Variants in CCDC137 observed in about 807,000 individuals in gnomAD.
The protein encoded by CCDC137 is coiled-coil domain-containing protein 137.
In CCDC137, 24 loss-of-function variants were observed where a neutral mutation model predicts 30.4. The observed-to-expected ratio is 0.79, with a 90% CI of 0.57 to 1.11. The LOEUF (loss-of-function observed/expected upper bound fraction) is 1.11, where lower values mean the gene tolerates loss of function less well. Among genes scored for constraint, CCDC137 ranks in the 50% least tolerant of loss-of-function variants. The pLI is 0.00. For missense variants in CCDC137, 417 were observed against 380.4 expected, an observed-to-expected ratio of 1.10 and a Z score of -0.80; for synonymous variants, 182 against 155.7, an observed-to-expected ratio of 1.17 and a Z score of -1.26.
At chr17:81,670,139 G>A in intron 2 of CCDC137, 86 bp from the exon 3 acceptor site, 1 of 1,043,112 alleles carries the variant, frequency 9.6e-7, no homozygotes. Flanking sequence ...TTCCCTTCCT[G>A]TGGCTTTGGG....
At chr17:81,670,525 C>T in intron 3 of CCDC137, 72 bp downstream of exon 3, 2 of 1,313,184 alleles carry the variant, frequency 1.5e-6, no homozygotes, top group Non-Finnish European at 2.1e-6. Context: ...CCATGACGGC[C>T]CTCTGCAGGT....
chr17:81,667,680 G>A, intron 1 of CCDC137, 49 bp from the exon 2 acceptor site: 1 of 1,605,074 alleles, frequency 6.2e-7, no homozygotes, highest in Non-Finnish European at 8.5e-7. Flanking sequence ...TACTGATTCT[G>A]CTTGTGCTTT....
chr17:81,671,671 G>A (rs919780496), intron 3 of CCDC137, 73 bp from the exon 4 acceptor site: 4 of 1,473,218 alleles, frequency 2.7e-6, no homozygotes, highest in African/African-American at 1.4e-5. Flanking sequence ...CCTTGTGGGT[G>A]GGGCGGCCTC....
chr17:81,671,627 C>G (rs1191159616), intron 3 of CCDC137, 117 bp from the exon 4 acceptor site: 5 of 969,704 alleles, frequency 5.2e-6, no homozygotes, highest in Middle Eastern at 2.8e-4. Context: ...AGGCAGCCAC[C>G]TGTTCTTGGG....
At chr17:81,669,289 G>T (rs1042363837) in intron 2 of CCDC137, among the ~76,000 whole-genome samples, 7 of 151,938 alleles carry the variant, frequency 4.6e-5, no homozygotes, top group African/African-American at 1.7e-4. Flanking sequence ...GGGATTACAG[G>T]CCTGTGCCAC....
chr17:81,672,440 C>T, intron 5 of CCDC137, 55 bp from the exon 6 acceptor site: 4 of 1,494,790 alleles, frequency 2.7e-6, no homozygotes, highest in African/African-American at 1.4e-5. Context: ...GTGAGGCTTT[C>T]TGTTGCATCC....
Position 81,667,791 on chromosome 17 carries a change from G to C in CCDC137, c.197G>C (p.Arg66Pro). The C allele has an allele frequency of 6.2e-7, 1 of 1,613,116 alleles. No homozygotes were observed. Among genetic ancestry groups the C allele is most frequent in the Non-Finnish European group, 8.5e-7 (1 of 1,180,004 alleles). Residue 66 changes from arginine to proline, a missense_variant, in exon 2 of 6, where the codon CGG becomes CCG. Coordinates refer to ENST00000329214, the MANE Select transcript of CCDC137 (RefSeq NM_199287.3). Reference protein sequence around the residue: ...KNQDEQEIPFRLREIMRSRQE... With the variant: ...KNQDEQEIPFPLREIMRSRQE... ...CAGGACGAACAGGAGATTCCTTTCC[G>C]GCTCCGGGAGATTATGAGGAGCCGC...
chr17:81,668,675 A>G (rs1179006992), intron 2 of CCDC137, among the ~76,000 whole-genome samples: 3 of 152,090 alleles, frequency 2.0e-5, no homozygotes, highest in Non-Finnish European at 4.4e-5. Context: ...ACCGTGCTGC[A>G]TTGAATTGGC....
At chr17:81,668,309 A>G (rs2036673959) in intron 2 of CCDC137, among the ~76,000 whole-genome samples, 3 of 152,184 alleles carry the variant, frequency 2.0e-5, no homozygotes, top group South Asian at 4.1e-4. Context: ...AAGCAATGGT[A>G]GAGAGAAGTG....
rs1347777654 is a variant in CCDC137 at position 81,670,406 on chromosome 17, G to A, written c.450G>A (p.Val150=). 6 of 1,613,774 alleles carry A rather than the reference G, an allele frequency of 3.7e-6. No homozygotes were observed. In the African/African-American group the frequency reaches 4.0e-5, roughly 11 times the overall value. The stretch of plus-strand genomic sequence containing the variant: ...ACCAGGCCATCCGGCAGCCAGAGGT[G>A]CAGGCAGCTCCCAAGGAGAAGTCTG... The part of the protein sequence containing the change: ...SKNQAIRQPE[V]QAAPKEKSEQ... Residue 150 remains valine (V), a synonymous_variant, in exon 3 of 6, where the codon GTG becomes GTA. Transcript: ENST00000329214.
chr17:81,669,570 T>A (rs1383675124), intron 2 of CCDC137, among the ~76,000 whole-genome samples: 1 of 152,194 alleles, frequency 6.6e-6, no homozygotes, highest in Non-Finnish European at 1.5e-5. Flanking sequence ...TGCCCACGTT[T>A]CTTTTTTGAG....
intron 2 of CCDC137, among the ~76,000 whole-genome samples, chr17:81,668,730 T>A (rs2036682542): frequency 1.3e-5 from 2 of 152,158 alleles, no homozygotes; most frequent in Admixed American, 1.3e-4. Flanking sequence ...AGATGGAGTC[T>A]TGCTTCCTCG....
rs2036739551 is a variant in CCDC137, at chr17:81,672,941, CTT to C, written c.*239_*240del. 13 of 556,186 alleles carry C rather than the reference CTT, an allele frequency of 2.3e-5. No individual in the cohort carries two copies. Among genetic ancestry groups the C allele is most frequent in the African/African-American group, 3.8e-5 (2 of 52,900 alleles). 34.5% of individuals were successfully genotyped at this position (556,186 alleles called of 1,614,324 possible). On this transcript the variant is annotated 3_prime_UTR_variant, in exon 6 of 6. Transcript: ENST00000329214. ...CCCGGTGTCACTCACAGCTCCATCT[CTT>C]TGTTTTGAACGTCCATTCTGAGTCT...
rs1238789213 is a variant in CCDC137, at chr17:81,673,244, A to G, written c.*540A>G. Reference sequence around the variant, plus strand: ...GGTGAAACATGATGACAACACATACACTTAAGAAGGTGGGAACCGGGGGCC... The same window carrying G: ...GGTGAAACATGATGACAACACATACGCTTAAGAAGGTGGGAACCGGGGGCC... On this transcript the variant is annotated 3_prime_UTR_variant, in exon 6 of 6. Transcript: ENST00000329214. 6.5e-6 allele frequency: 1 copy of G among 154,158 alleles called. No individual in the cohort carries two copies. Among genetic ancestry groups the G allele is most frequent in the Non-Finnish European group, 1.4e-5 (1 of 69,320 alleles). 9.5% of individuals were successfully genotyped at this position (154,158 alleles called of 1,614,324 possible). A position where few individuals can be genotyped will look rare whatever the true frequency, so the allele number is the denominator to read the frequency against.
At chr17:81,670,958 C>T (rs1226186618) in intron 3 of CCDC137, among the ~76,000 whole-genome samples, 1 of 151,638 alleles carries the variant, frequency 6.6e-6, no homozygotes, top group Non-Finnish European at 1.5e-5. Flanking sequence ...GAAACCTTGT[C>T]TCTAATAAAA....
At position 81,666,790 on chromosome 17, in the gene CCDC137, A is replaced by C. The variant is rs757525320; in HGVS notation, c.24A>C (p.Ala8=). The C allele has an allele frequency of 1.4e-6, 2 of 1,468,582 alleles. No homozygotes were observed. The highest frequency in any genetic ancestry group is 1.4e-5 in the South Asian group (1 of 72,192). 91.0% of individuals were successfully genotyped at this position (1,468,582 alleles called of 1,614,324 possible). A position where few individuals can be genotyped will look rare whatever the true frequency, so the allele number is the denominator to read the frequency against. MAGAGRG[A]AVSRVQAGPG... ...AGATGGCGGGAGCTGGTCGCGGAGC[A>C]GCGGTGTCCAGGGTGCAGGCGGGTC... The change falls in exon 1 of 6, where the codon GCA becomes GCC. Residue 8 remains alanine, a synonymous_variant. Transcript: ENST00000329214.
Position 81,670,419 on chromosome 17 carries a change from A to C in CCDC137, c.463A>C (p.Lys155Gln), listed in dbSNP as rs573143099. The C allele has an allele frequency of 6.2e-7, 1 of 1,613,772 alleles. No homozygotes were observed. The highest frequency in any genetic ancestry group is 1.1e-5 in the South Asian group (1 of 91,080). ...IRQPEVQAAPKEKSEQKKAKK... is the reference protein window; with the variant it reads ...IRQPEVQAAPQEKSEQKKAKK... Reference sequence around the variant, plus strand: ...GCAGCCAGAGGTGCAGGCAGCTCCCAAGGAGAAGTCTGAGCAGAAAAAAGC... The same window carrying C: ...GCAGCCAGAGGTGCAGGCAGCTCCCCAGGAGAAGTCTGAGCAGAAAAAAGC... The change falls in exon 3 of 6, where the codon AAG becomes CAG. Residue 155 changes from lysine to glutamine, a missense_variant. Lys to Gln is a moderately conservative substitution (Grantham distance 53, BLOSUM62 1). Coordinates refer to ENST00000329214, the MANE Select transcript of CCDC137 (RefSeq NM_199287.3).
In CCDC137 at chr17:81,672,684, A is replaced by G; in HGVS notation, c.850A>G (p.Lys284Glu). Residue 284 changes from lysine (K) to glutamate (E), a missense_variant, in exon 6 of 6, where the codon AAG (lysine) becomes GAG (glutamate). By Grantham distance (56) the Lys-to-Glu change is moderately conservative (BLOSUM62 1). Coordinates refer to ENST00000329214, the MANE Select transcript of CCDC137 (RefSeq NM_199287.3). ...GERPHLTSRK[K>E]PEPQL is the part of the protein sequence containing the mutation. ...GCGACCCCACCTCACTTCCCGGAAGAAGCCAGAGCCGCAGCTGTGATGGAG... is the reference window on the plus strand; with the variant it reads ...GCGACCCCACCTCACTTCCCGGAAGGAGCCAGAGCCGCAGCTGTGATGGAG... The G allele has an allele frequency of 3.1e-6, 5 of 1,595,600 alleles. No homozygotes were observed. Among genetic ancestry groups the G allele is most frequent in the Non-Finnish European group, 4.3e-6 (5 of 1,172,038 alleles).
In CCDC137 at chr17:81,672,139, G is replaced by A. The variant is rs768844136; in HGVS notation, c.644G>A (p.Ser215Asn). Reference sequence around the variant, plus strand: ...GAGCTGACTGCCAGGCCCCAGAGGAGCGTAAGCAAGGACCAGGTAAGTGGG... The same window carrying A: ...GAGCTGACTGCCAGGCCCCAGAGGAACGTAAGCAAGGACCAGGTAAGTGGG... Reference protein sequence around the residue: ...PPELTARPQRSVSKDQPGRRS... With the variant: ...PPELTARPQRNVSKDQPGRRS... Residue 215 changes from serine to asparagine, a missense_variant, in exon 5 of 6, where the codon AGC (serine) becomes AAC (asparagine). By Grantham distance (46) the Ser-to-Asn change is conservative (BLOSUM62 1). Coordinates refer to ENST00000329214, the MANE Select transcript of CCDC137 (RefSeq NM_199287.3). 1.1e-5 allele frequency: 17 copies of A among 1,613,914 alleles called. No homozygotes were observed. Among genetic ancestry groups the A allele is most frequent in the Non-Finnish European group, 1.2e-5 (14 of 1,179,952 alleles).
Sources: allele counts gnomAD v4.1 joint callset (sites outside exome capture counted in the v4.1 genomes callset), GRCh38; gene constraint gnomAD v4.1.1; transcripts MANE v1.5; gene names NCBI Gene and HGNC (gene_info 2026-07-23, HGNC 2026-07-21).